The following DOK5 variants were observed in gnomAD, a reference collection of about 807,000 sequenced individuals.
DOK5 encodes downstream of tyrosine kinase 5.
A neutral mutation model predicts 43.3 loss-of-function variants in DOK5; 27 were observed. The observed-to-expected ratio is 0.62, with a 90% CI of 0.46 to 0.86. The LOEUF is 0.86. Ranked by LOEUF, DOK5 falls within the 40% of genes least tolerant of loss-of-function variation. DOK5 has a pLI of 0.00. For synonymous variants in DOK5, 146 were observed against 140.1 expected, an observed-to-expected ratio of 1.04 and a Z score of -0.30; for missense variants, 373 against 392.9, an observed-to-expected ratio of 0.95 and a Z score of 0.43.
intron 1 of DOK5, among the ~76,000 whole-genome samples, chr20:54,525,335 A>C (rs1018992847): frequency 6.6e-6 from 1 of 152,218 alleles, no homozygotes; most frequent in Non-Finnish European, 1.5e-5. Context: ...TCCCTTTTGG[A>C]CTTGAACATT....
intron 7 of DOK5, among the ~76,000 whole-genome samples, chr20:54,649,469 G>A (rs545570978): frequency 4.5e-4 from 69 of 152,318 alleles, no homozygotes; most frequent in Non-Finnish European, 8.1e-4. Flanking sequence ...GTGTGGGTGG[G>A]GCGGACATGC....
At chr20:54,507,978 T>C (rs1209819218) in intron 1 of DOK5, among the ~76,000 whole-genome samples, 3 of 152,128 alleles carry the variant, frequency 2.0e-5, no homozygotes, top group Non-Finnish European at 2.9e-5. Context: ...CTGACTGCTA[T>C]GCAGAGAGTA....
intron 6 of DOK5, among the ~76,000 whole-genome samples, chr20:54,627,992 T>C (rs546410280): frequency 6.6e-6 from 1 of 152,276 alleles, no homozygotes; most frequent in Admixed American, 6.5e-5. Flanking sequence ...TCTCCACCCT[T>C]CATGATACAA....
At chr20:54,628,343 A>G (rs1978395093) in intron 6 of DOK5, among the ~76,000 whole-genome samples, 1 of 129,408 alleles carries the variant, frequency 7.7e-6, no homozygotes. Flanking sequence ...CGGGAGGCGG[A>G]GCTTGCAGTG....
chr20:54,637,173 T>C (rs1472625316), intron 6 of DOK5, among the ~76,000 whole-genome samples: 5 of 152,234 alleles, frequency 3.3e-5, no homozygotes, highest in Admixed American at 1.3e-4. Flanking sequence ...GGTCTCGTAC[T>C]GCATGGTTAG....
At chr20:54,528,917 A>G (rs550914600) in intron 1 of DOK5, among the ~76,000 whole-genome samples, 8 of 152,336 alleles carry the variant, frequency 5.3e-5, no homozygotes, top group African/African-American at 1.9e-4. Context: ...GTGGTAAGTC[A>G]TCAGTCCAAG....
intron 1 of DOK5, among the ~76,000 whole-genome samples, chr20:54,477,185 A>C (rs1361143094): frequency 1.3e-5 from 2 of 152,284 alleles, no homozygotes; most frequent in East Asian, 3.9e-4. Flanking sequence ...GTCATTTGGC[A>C]TCTTTCTCTT....
At chr20:54,585,997 G>A (rs561671920) in intron 2 of DOK5, among the ~76,000 whole-genome samples, 13 of 152,126 alleles carry the variant, frequency 8.5e-5, no homozygotes, top group African/African-American at 1.7e-4. Flanking sequence ...GGTGGTGGGC[G>A]CCTGTAATTC....
intron 2 of DOK5, among the ~76,000 whole-genome samples, chr20:54,562,863 C>A (rs1342294217): frequency 6.6e-6 from 1 of 152,108 alleles, no homozygotes; most frequent in Non-Finnish European, 1.5e-5. Flanking sequence ...TGAATTGTGA[C>A]CTCCCAAAAA....
At chr20:54,568,072 C>T (rs1358653295) in intron 2 of DOK5, among the ~76,000 whole-genome samples, 2 of 152,120 alleles carry the variant, frequency 1.3e-5, no homozygotes, top group Non-Finnish European at 2.9e-5. Context: ...GATTAATTGT[C>T]TTTGCATTTT....
chr20:54,533,242 C>T (rs1346913541), intron 1 of DOK5, among the ~76,000 whole-genome samples: 9 of 152,152 alleles, frequency 5.9e-5, no homozygotes, highest in African/African-American at 1.9e-4. Context: ...ATTAGAAACC[C>T]CTCTCAGTTG....
At chr20:54,528,646 A>C (rs186180531) in intron 1 of DOK5, among the ~76,000 whole-genome samples, 1 of 152,226 alleles carries the variant, frequency 6.6e-6, no homozygotes, top group Non-Finnish European at 1.5e-5. Flanking sequence ...TTTACCTGGA[A>C]GAATAGAAAA....
chr20:54,645,588 GCTCCAAGAAAGCC>G (rs1979375100), intron 7 of DOK5, among the ~76,000 whole-genome samples: 1 of 151,942 alleles, frequency 6.6e-6, no homozygotes, highest in Non-Finnish European at 1.5e-5. Flanking sequence ...CGCCCCTCAG[GCTCCAAGAAAGCC>G]CTCAGGACTT....
At chr20:54,529,753 C>T (rs559120193) in intron 1 of DOK5, among the ~76,000 whole-genome samples, 4 of 152,272 alleles carry the variant, frequency 2.6e-5, no homozygotes, top group Admixed American at 2.6e-4. Flanking sequence ...TTCTGAAAAC[C>T]ACAAATCCAC....
At chr20:54,577,561 G>C (rs1340289398) in intron 2 of DOK5, among the ~76,000 whole-genome samples, 1 of 152,244 alleles carries the variant, frequency 6.6e-6, no homozygotes, top group Admixed American at 6.5e-5. Flanking sequence ...TACACAATGG[G>C]ATTTGAGAGA....
At chr20:54,495,859 G>A (rs1263934824) in intron 1 of DOK5, among the ~76,000 whole-genome samples, 4 of 152,112 alleles carry the variant, frequency 2.6e-5, no homozygotes, top group Non-Finnish European at 5.9e-5. Context: ...TTCAGCCTGG[G>A]CAACAGAGTG....
chr20:54,536,207 G>C (rs1464380288), intron 1 of DOK5, among the ~76,000 whole-genome samples: 1 of 152,160 alleles, frequency 6.6e-6, no homozygotes, highest in Non-Finnish European at 1.5e-5. Flanking sequence ...GGAGGCCTAG[G>C]GGGTGCTTTA....
intron 6 of DOK5, among the ~76,000 whole-genome samples, chr20:54,616,728 T>C (rs1007339059): frequency 8.6e-5 from 13 of 151,734 alleles, no homozygotes; most frequent in Admixed American, 8.5e-4. Flanking sequence ...CTGTTGGGGC[T>C]GCAGTCTCAT....
intron 1 of DOK5, among the ~76,000 whole-genome samples, chr20:54,492,685 T>TG (rs1982231288): frequency 2.1e-5 from 3 of 144,282 alleles, no homozygotes; most frequent in African/African-American, 8.3e-5. Flanking sequence ...AGAGTGTGGC[T>TG]TTGTGTGTGT....
Sources: allele counts gnomAD v4.1 joint callset (sites outside exome capture counted in the v4.1 genomes callset), GRCh38; gene constraint gnomAD v4.1.1; transcripts MANE v1.5; gene names NCBI Gene and HGNC (gene_info 2026-07-23, HGNC 2026-07-21).